STAT4: variants seen among roughly 807,000 people sequenced by gnomAD.
STAT4 encodes signal transducer and activator of transcription 4.
In STAT4, 42 loss-of-function variants were observed where a neutral mutation model predicts 110.5. The observed-to-expected ratio is 0.38, with a 90% CI of 0.30 to 0.49. The LOEUF (loss-of-function observed/expected upper bound fraction) is 0.49, where lower values mean the gene tolerates loss of function less well. Ranked by LOEUF, STAT4 falls within the 20% of genes least tolerant of loss-of-function variation. The pLI is 0.95. For synonymous variants in STAT4, 284 were observed against 302.2 expected, an observed-to-expected ratio of 0.94 and a Z score of 0.63; for missense variants, 632 against 887.9, an observed-to-expected ratio of 0.71 and a Z score of 3.66.
At chr2:191,120,359 A>G (rs1192810218) in intron 3 of STAT4, among the ~76,000 whole-genome samples, 1 of 152,144 alleles carries the variant, frequency 6.6e-6, no homozygotes, top group African/African-American at 2.4e-5. Flanking sequence ...AGACAAAACA[A>G]TTTTAAATGA....
intron 3 of STAT4, among the ~76,000 whole-genome samples, chr2:191,081,431 C>T (rs1030583490): frequency 2.3e-4 from 35 of 152,248 alleles, no homozygotes; most frequent in East Asian, 5.8e-4. Context: ...TCTTCCACAA[C>T]GGTTGAACTA....
chr2:191,123,227 C>G (rs1360100788), intron 3 of STAT4, among the ~76,000 whole-genome samples: 2 of 152,134 alleles, frequency 1.3e-5, no homozygotes, highest in Non-Finnish European at 2.9e-5. Flanking sequence ...CTTCTGTATT[C>G]CTGGAGTCCA....
chr2:191,089,610 T>A (rs1697737231), intron 3 of STAT4, among the ~76,000 whole-genome samples: 1 of 152,236 alleles, frequency 6.6e-6, no homozygotes, highest in East Asian at 1.9e-4. Flanking sequence ...TACACATGGA[T>A]GTTTATAGCA....
chr2:191,058,159 T>G lies in STAT4; in HGVS notation c.1112+43A>C. ...TTACATGGTCTCAGGTAAAATAAAT[T>G]TACAAGAGCAGCAACAAAGTTTCCA... On this transcript the variant is annotated intron_variant, in intron 12 of 23. Coordinates refer to ENST00000392320, the MANE Select transcript of STAT4 (RefSeq NM_003151.4). The surrounding 1 kb of genome is among the most constrained non-coding windows in gnomAD (Gnocchi z 4.3). 1 of 1,613,860 alleles carries G rather than the reference T, an allele frequency of 6.2e-7. No homozygotes were observed. The highest frequency in any genetic ancestry group is 1.3e-5 in the African/African-American group (1 of 75,034).
rs954206227 is a variant in STAT4, at chr2:191,042,402, T to C, written c.1252-1254A>G. Among the ~76,000 whole-genome samples, 2 of 152,218 alleles carry C rather than the reference T, an allele frequency of 1.3e-5. No individual in the cohort carries two copies. Among genetic ancestry groups the C allele is most frequent in the Non-Finnish European group, 2.9e-5 (2 of 68,044 alleles). On this transcript the variant is annotated intron_variant, in intron 14 of 23. Coordinates refer to ENST00000392320, the MANE Select transcript of STAT4 (RefSeq NM_003151.4). This position sits in a 1 kb window ranked among gnomAD's most constrained non-coding sequence, Gnocchi z 4.2. The stretch of plus-strand genomic sequence containing the variant: ...TTCAGCTCAGTTTATTCAATAAATA[T>C]ATGGCATGTTGAAGGCGCAGATCAA...
At chr2:191,124,017 G>A (rs998040531) in intron 3 of STAT4, among the ~76,000 whole-genome samples, 6 of 152,100 alleles carry the variant, frequency 3.9e-5, no homozygotes, top group Non-Finnish European at 8.8e-5. Context: ...TTTCAGCAAG[G>A]AAAATCTTAA....
Position 191,061,610 on chromosome 2 carries a change from C to G in STAT4, c.1034+119G>C. 2 of 938,198 alleles carry G rather than the reference C, an allele frequency of 2.1e-6. No homozygotes were observed. Among genetic ancestry groups the G allele is most frequent in the Non-Finnish European group, 3.5e-6 (2 of 575,616 alleles). The allele number at this position is 938,198 out of a possible 1,614,324, so 58.1% of individuals were successfully genotyped here. Reference sequence around the variant, plus strand: ...TTCCCCAAGCTCAGAGCTGGGCACACAGCAGATGGTTCAATAAAGAACAGC... The same window carrying G: ...TTCCCCAAGCTCAGAGCTGGGCACAGAGCAGATGGTTCAATAAAGAACAGC... On this transcript the variant is annotated intron_variant, in intron 10 of 23. Coordinates refer to ENST00000392320, the MANE Select transcript of STAT4 (RefSeq NM_003151.4). This position sits in a 1 kb window ranked among gnomAD's most constrained non-coding sequence, Gnocchi z 6.2.
At chr2:191,073,874 G>A (rs7594501) in intron 4 of STAT4, among the ~76,000 whole-genome samples, 13,274 of 152,154 alleles carry the variant, frequency 0.087, 649 homozygotes, top group African/African-American at 0.12. Flanking sequence ...TCTTACCAAT[G>A]TGTTCTCTCT....
intron 5 of STAT4, among the ~76,000 whole-genome samples, chr2:191,072,334 T>C (rs1697187863): frequency 6.6e-6 from 1 of 152,230 alleles, no homozygotes; most frequent in Non-Finnish European, 1.5e-5. Flanking sequence ...GCCATTGGTT[T>C]TGACATTATA....
chr2:191,132,755 CT>C (rs56028616), intron 3 of STAT4, among the ~76,000 whole-genome samples: 39,464 of 135,104 alleles, frequency 0.29, 5,241 homozygotes, highest in Middle Eastern at 0.4. Flanking sequence ...TAATGGTTTT[CT>C]TTTTTTTTTT....
At chr2:191,076,136 G>T (rs942767654) in intron 4 of STAT4, 91 bp downstream of exon 4, 16 of 1,050,756 alleles carry the variant, frequency 1.5e-5, no homozygotes, top group Non-Finnish European at 2.3e-5. Flanking sequence ...TTACAGGTGT[G>T]AGCCACTGTA....
chr2:191,089,568 A>C (rs1002122591), intron 3 of STAT4, among the ~76,000 whole-genome samples: 3 of 152,266 alleles, frequency 2.0e-5, no homozygotes, highest in Admixed American at 2.0e-4. Context: ...ATTTATCTAA[A>C]GGAGATGAAA....
At chr2:191,069,672 A>G (rs1697088683) in intron 6 of STAT4, 21 bp downstream of exon 6, 1 of 1,590,836 alleles carries the variant, frequency 6.3e-7, no homozygotes, top group Admixed American at 1.7e-5. Context: ...ATGCATAATT[A>G]TAGAAAAAAC....
chr2:191,120,314 A>T (rs1429259501), intron 3 of STAT4, among the ~76,000 whole-genome samples: 2 of 152,226 alleles, frequency 1.3e-5, no homozygotes, highest in Admixed American at 6.5e-5. Flanking sequence ...CCCACTTGGA[A>T]TATGTAAAGA....
rs1698106583 is a variant in STAT4 at position 191,099,754 on chromosome 2, T to C, written c.274-23429A>G. Among the ~76,000 whole-genome samples, 2 of 152,140 alleles carry C rather than the reference T, an allele frequency of 1.3e-5. No individual in the cohort carries two copies. The highest frequency in any genetic ancestry group is 4.8e-5 in the African/African-American group (2 of 41,454). On this transcript the variant is annotated intron_variant, in intron 3 of 23. Transcript: ENST00000392320. The surrounding 1 kb of genome is among the most constrained non-coding windows in gnomAD (Gnocchi z 4.1). ...ACTTGACTGTTAATACGGATGTCTTTGAAGGTAGTGGTGTGGATGGAGGTA... is the reference window on the plus strand; with the variant it reads ...ACTTGACTGTTAATACGGATGTCTTCGAAGGTAGTGGTGTGGATGGAGGTA...
At chr2:191,075,837 CTTTT>C (rs71407854) in intron 4 of STAT4, among the ~76,000 whole-genome samples, 6 of 121,486 alleles carry the variant, frequency 4.9e-5, no homozygotes, top group African/African-American at 1.7e-4. Context: ...TTCTTTCTTT[CTTTT>C]TTTTTTTTTT....
chr2:191,034,042 T>C, intron 18 of STAT4, 37 bp from the exon 19 acceptor site: 1 of 1,362,274 alleles, frequency 7.3e-7, no homozygotes, highest in Non-Finnish European at 1.0e-6. Flanking sequence ...ACAATGATTA[T>C]TTAAGTAATA....
At chr2:191,065,103 A>G (rs1450883642) in intron 7 of STAT4, 145 bp from the exon 8 acceptor site, 1 of 818,766 alleles carries the variant, frequency 1.2e-6, no homozygotes, top group Admixed American at 3.6e-5. Flanking sequence ...TCTATTTGCC[A>G]GGCCTTTTCA....
At chr2:191,036,428 G>A (rs1696048781) in intron 16 of STAT4, 129 bp from the exon 17 acceptor site, 2 of 944,098 alleles carry the variant, frequency 2.1e-6, no homozygotes, top group South Asian at 3.4e-5. Flanking sequence ...ACTATTAGGT[G>A]ATAGTCAGGC....
Sources: gnomAD v4.1 joint callset for allele counts (sites outside exome capture counted in the v4.1 genomes callset) on GRCh38, gnomAD v4.1.1 for gene constraint, Gnocchi (gnomAD v3.1) non-coding constraint, MANE v1.5 for transcripts, NCBI Gene and HGNC (gene_info 2026-07-23, HGNC 2026-07-21) for gene names.